Variants in GRIK2 observed in about 807,000 individuals in gnomAD.
GRIK2 encodes glutamate receptor ionotropic, kainate 2.
A neutral mutation model predicts 100.3 loss-of-function variants in GRIK2; 32 were observed. That is an observed-to-expected ratio of 0.32 (90% confidence interval 0.24 to 0.43). GRIK2 has a LOEUF of 0.43. Among genes scored for constraint, GRIK2 ranks in the 20% least tolerant of loss-of-function variants. The pLI, the probability that GRIK2 is intolerant of heterozygous loss-of-function variation, is 1.00. For missense variants in GRIK2, 843 were observed against 1,114.9 expected, an observed-to-expected ratio of 0.76 and a Z score of 3.47; for synonymous variants, 417 against 389.4, an observed-to-expected ratio of 1.07 and a Z score of -0.83.
chr6:101,586,129 A>G (rs927811993), intron 2 of GRIK2, among the ~76,000 whole-genome samples: 40 of 151,976 alleles, frequency 2.6e-4, no homozygotes, highest in African/African-American at 8.5e-4. Context: ...GTGTGCTTCT[A>G]TTCTCACCCA....
At chr6:101,890,132 A>T (rs1013487310) in intron 12 of GRIK2, 1 of 278,802 alleles carries the variant, frequency 3.6e-6, no homozygotes, top group Non-Finnish European at 6.6e-6. Context: ...TTTTAAATCA[A>T]TATGATAAAT....
At chr6:101,990,599 T>C (rs1794299799) in intron 14 of GRIK2, among the ~76,000 whole-genome samples, 1 of 151,626 alleles carries the variant, frequency 6.6e-6, no homozygotes, top group Non-Finnish European at 1.5e-5. Context: ...AGTCTGTGTG[T>C]CATGTCAGGC....
intron 2 of GRIK2, among the ~76,000 whole-genome samples, chr6:101,487,307 C>T (rs924583427): frequency 6.8e-6 from 1 of 146,278 alleles, no homozygotes; most frequent in African/African-American, 2.6e-5. Flanking sequence ...AGTTCAAAGA[C>T]ACTGACCATT....
chr6:101,601,394 G>A (rs1779206985), intron 2 of GRIK2, among the ~76,000 whole-genome samples: 1 of 151,716 alleles, frequency 6.6e-6, no homozygotes, highest in East Asian at 2.0e-4. Flanking sequence ...CTGTAGTTTT[G>A]CTCCTTTTGT....
intron 14 of GRIK2, among the ~76,000 whole-genome samples, chr6:101,991,919 T>A (rs1359918047): frequency 6.6e-6 from 1 of 151,494 alleles, no homozygotes; most frequent in African/African-American, 2.4e-5. Context: ...GAAATATTTG[T>A]ACATGTGAAG....
chr6:102,047,221 TCAAA>T, intron 15 of GRIK2, among the ~76,000 whole-genome samples: 1 of 151,272 alleles, frequency 6.6e-6, no homozygotes, highest in Non-Finnish European at 1.5e-5. Context: ...CAGAAATACA[TCAAA>T]CAGAGAATAG....
Position 101,656,174 on chromosome 6 carries a change from G to A in GRIK2, c.542-20449G>A, listed in dbSNP as rs139423735. Among the ~76,000 whole-genome samples the A allele has an allele frequency of 3.3e-5, 5 of 151,812 alleles. No individual in the cohort carries two copies. The East Asian group carries it at 9.7e-4, about 30-fold the overall frequency. On this transcript the variant is annotated intron_variant, in intron 4 of 16. Coordinates refer to ENST00000369134, the MANE Select transcript of GRIK2 (RefSeq NM_021956.5). ...GAAAATTAGCTGGGTGTGGTGGCAG[G>A]TGCTCATAATCCCAGCTACTTGGGA...
chr6:101,657,912 G>A (rs1769312692), intron 4 of GRIK2, among the ~76,000 whole-genome samples: 1 of 151,940 alleles, frequency 6.6e-6, no homozygotes, highest in Non-Finnish European at 1.5e-5. Flanking sequence ...AATTATCCCT[G>A]TTCTTCTTTC....
chr6:101,689,090 C>G lies in GRIK2; in HGVS notation c.951+2737C>G, dbSNP rs531069422. 7.0e-4 allele frequency among the ~76,000 whole-genome samples: 107 copies of G among 151,926 alleles called. 1 individual carries two copies. The highest frequency in any genetic ancestry group is 2.1e-3 in the East Asian group (11 of 5,176). Reference sequence around the variant, plus strand: ...TAAAATTGTAAGCATTTTCACAAGTCATTAAATGTTTAGGAAAAGAAATTA... The same window carrying G: ...TAAAATTGTAAGCATTTTCACAAGTGATTAAATGTTTAGGAAAAGAAATTA... On this transcript the variant is annotated intron_variant, in intron 7 of 16. Coordinates refer to ENST00000369134, the MANE Select transcript of GRIK2 (RefSeq NM_021956.5).
chr6:101,745,648 GA>G (rs541588909), intron 7 of GRIK2, among the ~76,000 whole-genome samples: 1 of 151,664 alleles, frequency 6.6e-6, no homozygotes, highest in Non-Finnish European at 1.5e-5. Context: ...TTAAAACTAA[GA>G]AAAAAAATTA....
intron 12 of GRIK2, among the ~76,000 whole-genome samples, chr6:101,892,512 A>G (rs1013174894): frequency 2.1e-4 from 32 of 151,892 alleles, no homozygotes; most frequent in African/African-American, 7.8e-4. Flanking sequence ...AAAGTCAGCT[A>G]ATGTACCAGT....
At chr6:101,724,082 G>T (rs1402365397) in intron 7 of GRIK2, among the ~76,000 whole-genome samples, 1 of 151,496 alleles carries the variant, frequency 6.6e-6, no homozygotes, top group East Asian at 2.0e-4. Context: ...ATTTCTGGTT[G>T]TCATAGGGTA....
chr6:101,437,435 G>T (rs1297939754), intron 2 of GRIK2, among the ~76,000 whole-genome samples: 1 of 151,962 alleles, frequency 6.6e-6, no homozygotes, highest in Non-Finnish European at 1.5e-5. Context: ...AAAAAGGATT[G>T]GTCTATTTCC....
In GRIK2 at chr6:101,547,664, G is replaced by A. The variant is rs111516868; in HGVS notation, c.116-74285G>A. Among the ~76,000 whole-genome samples, 1,258 of 152,162 alleles carry A rather than the reference G, an allele frequency of 8.3e-3. 18 individuals carry two copies. The highest frequency in any genetic ancestry group is 0.029 in the African/African-American group (1,185 of 41,492). ...GGACATGAACTCATCATTTTTCATG[G>A]CTGCATAGTATTCCATGGTGTATAT... On this transcript the variant is annotated intron_variant, in intron 2 of 16. Coordinates refer to ENST00000369134, the MANE Select transcript of GRIK2 (RefSeq NM_021956.5).
intron 7 of GRIK2, among the ~76,000 whole-genome samples, chr6:101,724,633 A>C (rs1479976130): frequency 6.6e-6 from 1 of 151,916 alleles, no homozygotes; most frequent in Non-Finnish European, 1.5e-5. Flanking sequence ...CACTATTTAA[A>C]ATAGATTTAT....
intron 2 of GRIK2, among the ~76,000 whole-genome samples, chr6:101,585,610 G>A (rs953588172): frequency 3.8e-4 from 58 of 152,038 alleles, no homozygotes; most frequent in African/African-American, 1.3e-3. Context: ...TGCAATTGAT[G>A]TTTCATATTA....
chr6:101,543,170 C>A (rs1398490902), intron 2 of GRIK2, among the ~76,000 whole-genome samples: 1 of 152,148 alleles, frequency 6.6e-6, no homozygotes, highest in Non-Finnish European at 1.5e-5. Context: ...ATTTTGTAAG[C>A]ACCTGGAAGA....
At position 101,928,458 on chromosome 6, in the gene GRIK2, A is replaced by G; in HGVS notation, c.1911A>G (p.Gly637=). ...AAGCACTGTCCACCAGGATAGTGGG[A>G]GGCATTTGGTGGTTTTTCACACTTA... ...MPKALSTRIV[G]GIWWFFTLII... Residue 637 remains glycine (G), a synonymous_variant, in exon 14 of 17, where the codon GGA becomes GGG. Transcript: ENST00000369134. The G allele has an allele frequency of 1.2e-6, 2 of 1,608,528 alleles. No homozygotes were observed. The highest frequency in any genetic ancestry group is 1.7e-6 in the Non-Finnish European group (2 of 1,175,006).
chr6:101,410,811 T>G (rs1775854930), intron 2 of GRIK2, among the ~76,000 whole-genome samples: 1 of 152,034 alleles, frequency 6.6e-6, no homozygotes, highest in Non-Finnish European at 1.5e-5. Flanking sequence ...AATGTAAAGT[T>G]TATTGGGAAA....
Sources: gnomAD v4.1 joint callset for allele counts (sites outside exome capture counted in the v4.1 genomes callset) on GRCh38, gnomAD v4.1.1 for gene constraint, MANE v1.5 for transcripts, NCBI Gene and HGNC (gene_info 2026-07-23, HGNC 2026-07-21) for gene names.